EEFSEC: variants seen among roughly 807,000 people sequenced by gnomAD.
EEFSEC encodes the protein eukaryotic elongation factor, selenocysteine-tRNA specific.
Under a neutral mutation model 42.1 loss-of-function variants are expected in EEFSEC, and 43 were observed. The observed-to-expected ratio is 1.02, with a 90% CI of 0.80 to 1.32. The LOEUF (loss-of-function observed/expected upper bound fraction) is 1.32, where lower values mean the gene tolerates loss of function less well. EEFSEC is among the 40% of genes most tolerant of loss of function. The pLI, the probability that EEFSEC is intolerant of heterozygous loss-of-function variation, is 0.00. For synonymous variants in EEFSEC, 354 were observed against 339.1 expected, an observed-to-expected ratio of 1.04 and a Z score of -0.48; for missense variants, 745 against 803.6, an observed-to-expected ratio of 0.93 and a Z score of 0.88.
At chr3:128,167,648 G>C (rs138010727) in intron 1 of EEFSEC, among the ~76,000 whole-genome samples, 1 of 152,190 alleles carries the variant, frequency 6.6e-6, no homozygotes, top group East Asian at 1.9e-4. Context: ...CACTAATGCC[G>C]GGAACACGGC....
At chr3:128,273,480 T>C (rs763001629) in intron 4 of EEFSEC, among the ~76,000 whole-genome samples, 8 of 152,194 alleles carry the variant, frequency 5.3e-5, no homozygotes, top group Non-Finnish European at 1.0e-4. Flanking sequence ...CTGTGGAAGC[T>C]TGGAGCTTGT....
intron 1 of EEFSEC, among the ~76,000 whole-genome samples, chr3:128,161,336 G>T (rs1249494662): frequency 6.6e-6 from 1 of 152,164 alleles, no homozygotes; most frequent in East Asian, 1.9e-4. Context: ...GAGGAGGGCT[G>T]AAAAATGCTG....
At chr3:128,367,888 A>G (rs2067608889) in intron 6 of EEFSEC, 1 of 976,844 alleles carries the variant, frequency 1.0e-6, no homozygotes, top group Non-Finnish European at 1.2e-6. Context: ...AGCTCAGGCT[A>G]GGGCTCTGCT....
intron 6 of EEFSEC, among the ~76,000 whole-genome samples, chr3:128,402,836 C>T (rs182215603): frequency 6.1e-4 from 93 of 152,308 alleles, no homozygotes; most frequent in Non-Finnish European, 1.1e-3. Context: ...TCTCCTCCAA[C>T]GCTTATTTGG....
At chr3:128,248,664 T>A (rs1202812343) in intron 2 of EEFSEC, among the ~76,000 whole-genome samples, 1 of 152,144 alleles carries the variant, frequency 6.6e-6, no homozygotes, top group Non-Finnish European at 1.5e-5. Flanking sequence ...GAAGAACAGG[T>A]CTTTTGGACT....
At chr3:128,397,916 C>T (rs1439731470) in intron 6 of EEFSEC, among the ~76,000 whole-genome samples, 1 of 152,214 alleles carries the variant, frequency 6.6e-6, no homozygotes, top group African/African-American at 2.4e-5. Context: ...AAAGTCTGTG[C>T]AGTCCAGTTC....
At chr3:128,412,761 C>T (rs947669308), downstream of EEFSEC, among the ~76,000 whole-genome samples, 1 of 152,214 alleles carries the variant, frequency 6.6e-6, no homozygotes, top group Non-Finnish European at 1.5e-5. Flanking sequence ...TCAGCCGGCA[C>T]CAGGCTTGGC....
rs2067323004 is a variant in EEFSEC at position 128,347,239 on chromosome 3, A to T, written c.1443+5350A>T. 3.3e-5 allele frequency among the ~76,000 whole-genome samples: 5 copies of T among 152,138 alleles called. No homozygotes were observed. In the South Asian group the frequency reaches 1.0e-3, roughly 32 times the overall value. On this transcript the variant is annotated intron_variant, in intron 5 of 6. Coordinates refer to ENST00000254730, the MANE Select transcript of EEFSEC (RefSeq NM_021937.5). ...CCACGTGTACTTCTATAAGAGTGTG[A>T]CTTGTAATAAAGGGTTAATGAAGAA...
rs1449912379 is a variant in EEFSEC, at chr3:128,312,408, A to G, written c.787-28825A>G. Among the ~76,000 whole-genome samples the G allele has an allele frequency of 4.5e-4, 68 of 152,236 alleles. 3 individuals carry two copies. Among genetic ancestry groups the G allele is most frequent in the Admixed American group, 4.4e-3 (68 of 15,292 alleles). ...TTTTGGTCCTGTCCAACTGCTGGCT[A>G]CTTCCATGCGCAGAGGATGGAGTAG... On this transcript the variant is annotated intron_variant, in intron 4 of 6. Transcript: ENST00000254730.
At chr3:128,296,258 C>A (rs1322908102) in intron 4 of EEFSEC, among the ~76,000 whole-genome samples, 1 of 152,166 alleles carries the variant, frequency 6.6e-6, no homozygotes, top group Non-Finnish European at 1.5e-5. Flanking sequence ...ATATGACCAG[C>A]AGGATGGGGC....
chr3:128,300,997 C>G (rs1023591716), intron 4 of EEFSEC, among the ~76,000 whole-genome samples: 4 of 151,786 alleles, frequency 2.6e-5, no homozygotes, highest in African/African-American at 9.7e-5. Context: ...GGTTTTTGTA[C>G]TTGATCATTA....
At chr3:128,292,416 G>T (rs947278491) in intron 4 of EEFSEC, among the ~76,000 whole-genome samples, 10 of 151,656 alleles carry the variant, frequency 6.6e-5, no homozygotes, top group African/African-American at 2.4e-4. Context: ...TTAAAGTTTG[G>T]AATAATTCGC....
At chr3:128,407,178 C>T (rs1032306075) in intron 6 of EEFSEC, among the ~76,000 whole-genome samples, 1 of 152,156 alleles carries the variant, frequency 6.6e-6, no homozygotes, top group African/African-American at 2.4e-5. Context: ...CAGCAGAAAA[C>T]AAATTTCCAC....
At chr3:128,265,816 T>C (rs375884744) in intron 4 of EEFSEC, among the ~76,000 whole-genome samples, 1 of 152,334 alleles carries the variant, frequency 6.6e-6, no homozygotes, top group South Asian at 2.1e-4. Flanking sequence ...GATACAGATA[T>C]CTAGGTATCT....
rs189215313 is a variant in EEFSEC, at chr3:128,359,609, T to C, written c.1600+1236T>C. On this transcript the variant is annotated intron_variant, in intron 6 of 6. Coordinates refer to ENST00000254730, the MANE Select transcript of EEFSEC (RefSeq NM_021937.5). ...CAACCAATCCAGTACAATTCTGTTG[T>C]ATTTCATAATACAGTAAAAATTACA... is the stretch of plus-strand genomic sequence containing the variant. 3.9e-3 allele frequency among the ~76,000 whole-genome samples: 599 copies of C among 152,346 alleles called. 8 individuals are homozygous for C. The highest frequency in any genetic ancestry group is 0.013 in the African/African-American group (557 of 41,582).
intron 6 of EEFSEC, among the ~76,000 whole-genome samples, chr3:128,382,548 C>T (rs2067789688): frequency 6.6e-6 from 1 of 152,188 alleles, no homozygotes; most frequent in African/African-American, 2.4e-5. Flanking sequence ...AGTTGTAAAA[C>T]ATTCATAAAA....
At chr3:128,192,213 C>T (rs560020297) in intron 1 of EEFSEC, among the ~76,000 whole-genome samples, 3 of 152,200 alleles carry the variant, frequency 2.0e-5, no homozygotes, top group African/African-American at 4.8e-5. Flanking sequence ...GACTTCACTC[C>T]GGGTCTCAAC....
chr3:128,200,001 T>C (rs2065626619), intron 1 of EEFSEC, among the ~76,000 whole-genome samples: 1 of 152,326 alleles, frequency 6.6e-6, no homozygotes, highest in East Asian at 1.9e-4. Context: ...CCCAAAGTGC[T>C]GGGATTACAG....
At chr3:128,202,930 A>G (rs551188571) in intron 1 of EEFSEC, among the ~76,000 whole-genome samples, 11 of 152,248 alleles carry the variant, frequency 7.2e-5, no homozygotes, top group African/African-American at 2.2e-4. Context: ...TTTCTTCTTC[A>G]TTCCGTTAGT....
Sources: allele counts gnomAD v4.1 joint callset (sites outside exome capture counted in the v4.1 genomes callset), GRCh38; gene constraint gnomAD v4.1.1; transcripts MANE v1.5; gene names NCBI Gene and HGNC (gene_info 2026-07-23, HGNC 2026-07-21).